The following HEPH variants were observed in gnomAD, a reference collection of about 807,000 sequenced individuals.
HEPH encodes hephaestin.
A neutral mutation model predicts 80.8 loss-of-function variants in HEPH; 69 were observed. The observed-to-expected ratio is 0.85, with a 90% CI of 0.70 to 1.04. The LOEUF is 1.04. Ranked by LOEUF, HEPH falls within the 50% of genes least tolerant of loss-of-function variation. HEPH has a pLI of 0.00. For synonymous variants in HEPH, 431 were observed against 322.8 expected (o/e 1.34, Z -3.60); for missense variants, 1,115 against 891.3 (o/e 1.25, Z -3.20).
intron 15 of HEPH, among the ~76,000 whole-genome samples, chrX:66,223,801 G>A (rs950824228): frequency 8.1e-5 from 9 of 111,219 alleles, no homozygotes; most frequent in Non-Finnish European, 1.3e-4. Flanking sequence ...TTTACCAAAG[G>A]CATATTTTAC....
At chrX:66,264,987 G>GA (rs961198269) in intron 20 of HEPH, among the ~76,000 whole-genome samples, 8 of 109,021 alleles carry the variant, frequency 7.3e-5, no homozygotes, top group Non-Finnish European at 1.1e-4. Flanking sequence ...CTACAATGGG[G>GA]AAAAAAGCCT....
chrX:66,191,156 G>A (rs1185802866), intron 6 of HEPH, among the ~76,000 whole-genome samples: 1 of 111,581 alleles, frequency 9.0e-6, no homozygotes, highest in African/African-American at 3.3e-5. Flanking sequence ...TGAAAGATGA[G>A]AGTTTAACTC....
At chrX:66,176,879 G>A (rs931526455) in intron 4 of HEPH, among the ~76,000 whole-genome samples, 1 of 111,461 alleles carries the variant, frequency 9.0e-6, no homozygotes, top group African/African-American at 3.3e-5. Flanking sequence ...ATGTGACCTA[G>A]GCAATACCAT....
intron 8 of HEPH, among the ~76,000 whole-genome samples, chrX:66,194,587 G>T: frequency 8.9e-6 from 1 of 111,872 alleles, no homozygotes; most frequent in Non-Finnish European, 1.9e-5. Flanking sequence ...CTAGTACAGT[G>T]CCTGGATAGA....
chrX:66,249,736 C>T (rs932509663), intron 15 of HEPH, among the ~76,000 whole-genome samples: 3 of 111,634 alleles, frequency 2.7e-5, no homozygotes, highest in Non-Finnish European at 3.8e-5. Flanking sequence ...TGTTAGATTG[C>T]CCATAGGCTG....
At chrX:66,209,828 T>C in intron 15 of HEPH, among the ~76,000 whole-genome samples, 1 of 111,128 alleles carries the variant, frequency 9.0e-6, no homozygotes, top group Non-Finnish European at 1.9e-5. Context: ...AGTGGGAGGA[T>C]TGGAGTATTG....
rs745746023 is a variant in HEPH at position 66,245,711 on chromosome X, A to G, written c.2564-9324A>G. ...AGCACCACACCACACCTATTCCAAAATTGACCACATAGTTGGAAGAAAAGC... is the reference window on the plus strand; with the variant it reads ...AGCACCACACCACACCTATTCCAAAGTTGACCACATAGTTGGAAGAAAAGC... On this transcript the variant is annotated intron_variant, in intron 15 of 20. Coordinates refer to ENST00000343002, the MANE Select transcript of HEPH (RefSeq NM_001367233.3). Among the ~76,000 whole-genome samples, 8 of 111,901 alleles carry G rather than the reference A, an allele frequency of 7.1e-5. No individual in the cohort carries two copies. In the South Asian group the frequency reaches 3.0e-3, roughly 42 times the overall value.
chrX:66,244,001 C>T (rs60662476), intron 15 of HEPH, among the ~76,000 whole-genome samples: 5,780 of 111,683 alleles, frequency 0.052, 404 homozygotes, highest in African/African-American at 0.18. Context: ...TATATAGGCC[C>T]CCAGTCTCTT....
Position 66,173,678 on chromosome X carries a change from C to T in HEPH, c.502C>T (p.Pro168Ser), listed in dbSNP as rs1252355402. The change falls in exon 4 of 21, where the codon CCA (proline) becomes TCA (serine). Residue 168 changes from proline to serine, a missense_variant. Physicochemically the swap from Pro to Ser is moderately conservative, Grantham distance 74. Around this residue, in one of 3 missense-constraint regions of HEPH, gnomAD observed 391 missense variants for 343.6 expected, o/e 1.14. Coordinates refer to ENST00000343002, the MANE Select transcript of HEPH (RefSeq NM_001367233.3). ...CAGCCATATCTACAACTGGACCATT[C>T]CAGAAGGCCATGCACCCACCGATGC... ...GGSHIYNWTI[P>S]EGHAPTDADP... The T allele has an allele frequency of 8.3e-7, 1 of 1,208,310 alleles. No individual in the cohort carries two copies. The highest frequency in any genetic ancestry group is 1.1e-6 in the Non-Finnish European group (1 of 894,110).
intron 7 of HEPH, among the ~76,000 whole-genome samples, chrX:66,193,149 G>A (rs1440105081): frequency 2.7e-5 from 3 of 110,931 alleles, no homozygotes; most frequent in Non-Finnish European, 5.7e-5. Flanking sequence ...AAGGACAGAT[G>A]TAGACTATGA....
chrX:66,236,988 T>A (rs188046636), intron 15 of HEPH, among the ~76,000 whole-genome samples: 2 of 111,587 alleles, frequency 1.8e-5, no homozygotes, highest in East Asian at 5.6e-4. Context: ...TTTCTAATTG[T>A]GTTTATTTGG....
rs147840358 is a variant in HEPH, at chrX:66,261,137, C to A, written c.3199+875C>A. On this transcript the variant is annotated intron_variant, in intron 19 of 20. Transcript: ENST00000343002. ...TGGTTTCAAATTTCTGGGCTCAAAC[C>A]ATCCTTCCACATCAGCCTCCCAAAT... Among the ~76,000 whole-genome samples the A allele has an allele frequency of 5.6e-3, 617 of 110,762 alleles. 5 individuals are homozygous for A. Among genetic ancestry groups the A allele is most frequent in the African/African-American group, 0.019 (588 of 30,465 alleles).
chrX:66,187,203 C>G (rs746163182), intron 4 of HEPH, among the ~76,000 whole-genome samples: 1 of 111,373 alleles, frequency 9.0e-6, no homozygotes, highest in Non-Finnish European at 1.9e-5. Context: ...TTCTCTGGTG[C>G]CTCCCTGATT....
rs778224706 is a variant in HEPH, at chrX:66,218,749, G to T, written c.2563+10503G>T. Among the ~76,000 whole-genome samples, 10 of 110,964 alleles carry T rather than the reference G, an allele frequency of 9.0e-5. No homozygotes were observed. In the South Asian group the frequency reaches 2.7e-3, roughly 30 times the overall value. On this transcript the variant is annotated intron_variant, in intron 15 of 20. Transcript: ENST00000343002. ...TCGTGATCGATTGAGCAAGCAGGGGGTACGTGACTGGGGGCTGCATGCACC... is the reference window on the plus strand; with the variant it reads ...TCGTGATCGATTGAGCAAGCAGGGGTTACGTGACTGGGGGCTGCATGCACC...
chrX:66,186,358 C>T (rs1191940333), intron 4 of HEPH, among the ~76,000 whole-genome samples: 2 of 109,696 alleles, frequency 1.8e-5, no homozygotes, highest in Non-Finnish European at 3.8e-5. Context: ...CAGCGAGATT[C>T]CGTGGGCGTA....
chrX:66,262,028 C>T (rs2091381268), intron 19 of HEPH, among the ~76,000 whole-genome samples: 1 of 112,315 alleles, frequency 8.9e-6, no homozygotes, highest in Admixed American at 9.4e-5. Context: ...TGCCAGGGTA[C>T]TTCCATGAGG....
At chrX:66,249,088 C>A (rs2090917293) in intron 15 of HEPH, among the ~76,000 whole-genome samples, 1 of 111,490 alleles carries the variant, frequency 9.0e-6, no homozygotes, top group African/African-American at 3.3e-5. Flanking sequence ...TGGAATAAGA[C>A]TGATGAACAG....
At chrX:66,218,698 A>G (rs967249903) in intron 15 of HEPH, among the ~76,000 whole-genome samples, 3 of 111,075 alleles carry the variant, frequency 2.7e-5, no homozygotes, top group African/African-American at 9.8e-5. Flanking sequence ...AGGGCTCACA[A>G]CTTTAAGGGG....
intron 15 of HEPH, among the ~76,000 whole-genome samples, chrX:66,243,668 C>A (rs181414555): frequency 8.9e-6 from 1 of 112,913 alleles, no homozygotes; most frequent in East Asian, 2.8e-4. Flanking sequence ...AGTTTACATT[C>A]GGTTAATATT....
Sources: allele counts gnomAD v4.1 joint callset (sites outside exome capture counted in the v4.1 genomes callset), GRCh38; gene constraint gnomAD v4.1.1; regional missense constraint gnomAD v4.1.1; transcripts MANE v1.5; gene names NCBI Gene and HGNC (gene_info 2026-07-23, HGNC 2026-07-21).